ZNF839: variants seen among roughly 807,000 people sequenced by gnomAD.
ZNF839 encodes zinc finger protein 839.
ZNF839 carries 38 observed loss-of-function variants against 56.4 expected under a neutral mutation model. That is an observed-to-expected ratio of 0.67 (90% confidence interval 0.52 to 0.88). ZNF839 has a LOEUF of 0.88. ZNF839 is among the 40% of genes least tolerant of loss of function. ZNF839 has a pLI of 0.00. For missense variants in ZNF839, 1,091 were observed against 1,177.6 expected (o/e 0.93, Z 1.08); for synonymous variants, 486 against 493.5 (o/e 0.98, Z 0.20).
chr14:102,319,899 TG>T lies in ZNF839; in HGVS notation c.136del (p.Glu46SerfsTer3). 1 of 1,215,560 alleles carries T rather than the reference TG, an allele frequency of 8.2e-7. No homozygotes were observed. Among genetic ancestry groups the T allele is most frequent in the South Asian group, 2.3e-5 (1 of 43,166 alleles). 75.3% of individuals were successfully genotyped at this position (1,215,560 alleles called of 1,614,324 possible). A position where few individuals can be genotyped will look rare whatever the true frequency, so the allele number is the denominator to read the frequency against. On this transcript the variant is annotated frameshift_variant, in exon 1 of 8. Coordinates refer to ENST00000442396, the MANE Select transcript of ZNF839 (RefSeq NM_018335.6). LOFTEE classifies it high-confidence loss of function. This position sits in a 1 kb window ranked among gnomAD's most constrained non-coding sequence, Gnocchi z 4.5. ...GGCCCCGAGCAGCTGCGGCAGGTCC[TG>T]GAGCAGGTGACGAAGGCGCAGCCGC... Reference protein sequence around the residue: ...PLGPEQLRQVLEQVTKAQPPP... With the variant: ...PLGPEQLRQVXEQVTKAQPPP...
At chr14:102,329,293 A>G (rs1750240808) in intron 2 of ZNF839, among the ~76,000 whole-genome samples, 1 of 152,062 alleles carries the variant, frequency 6.6e-6, no homozygotes, top group Admixed American at 6.5e-5. Flanking sequence ...TATATCCAGA[A>G]GTGGAATTGC....
intron 1 of ZNF839, 51 bp from the exon 2 acceptor site, chr14:102,325,934 T>C (rs1255541158): frequency 1.5e-5 from 24 of 1,557,446 alleles, no homozygotes; most frequent in Non-Finnish European, 2.1e-5. Flanking sequence ...ATTGCAGACA[T>C]GTTCATAAGC....
chr14:102,326,583 A>G lies in ZNF839; in HGVS notation c.887A>G (p.Glu296Gly). 5 of 1,613,924 alleles carry G rather than the reference A, an allele frequency of 3.1e-6. No homozygotes were observed. The highest frequency in any genetic ancestry group is 4.2e-6 in the Non-Finnish European group (5 of 1,179,850). Reference protein sequence around the residue: ...LCVEEDEDQRERHALFDLSSC... With the variant: ...LCVEEDEDQRGRHALFDLSSC... Reference sequence around the variant, plus strand: ...GTGGAAGAAGATGAAGATCAGAGGGAGAGGCACGCACTCTTTGACTTATCG... The same window carrying G: ...GTGGAAGAAGATGAAGATCAGAGGGGGAGGCACGCACTCTTTGACTTATCG... Residue 296 changes from glutamate (E) to glycine (G), a missense_variant, in exon 2 of 8, where the codon GAG becomes GGG. Coordinates refer to ENST00000442396, the MANE Select transcript of ZNF839 (RefSeq NM_018335.6). The surrounding 1 kb of genome is among the most constrained non-coding windows in gnomAD (Gnocchi z 4.3).
At position 102,341,629 on chromosome 14, in the gene ZNF839, G is replaced by A. The variant is rs755322485; in HGVS notation, c.2234G>A (p.Gly745Asp). ...ACCTGGGACAGCCTGAGGAGCCCGG[G>A]TTTCTGCAGCCCTTTGTCATCTGGT... The part of the protein sequence containing the change: ...QDTWDSLRSP[G>D]FCSPLSSGGG... The change falls in exon 8 of 8, where the codon GGT becomes GAT. Residue 745 changes from glycine to aspartate, a missense_variant. By Grantham distance (94) the Gly-to-Asp change is moderately conservative. Coordinates refer to ENST00000442396, the MANE Select transcript of ZNF839 (RefSeq NM_018335.6). 1 of 1,613,976 alleles carries A rather than the reference G, an allele frequency of 6.2e-7. No individual in the cohort carries two copies. The highest frequency in any genetic ancestry group is 8.5e-7 in the Non-Finnish European group (1 of 1,179,892).
At chr14:102,318,119 G>T (rs565344464), upstream of ZNF839, among the ~76,000 whole-genome samples, 5 of 152,346 alleles carry the variant, frequency 3.3e-5, no homozygotes, top group South Asian at 2.1e-4. Flanking sequence ...GCTATTATAA[G>T]CAAAGTTAGG....
intron 1 of ZNF839, among the ~76,000 whole-genome samples, chr14:102,322,088 C>A (rs2073159551): frequency 6.6e-6 from 1 of 152,134 alleles, no homozygotes; most frequent in Non-Finnish European, 1.5e-5. Flanking sequence ...TTTCACCTGG[C>A]AAAAATTCCC....
chr14:102,338,344 C>G (rs1245438675), intron 5 of ZNF839, among the ~76,000 whole-genome samples: 3 of 152,024 alleles, frequency 2.0e-5, no homozygotes, highest in Non-Finnish European at 2.9e-5. Flanking sequence ...TCAAGACCAG[C>G]CTGGCAAACA....
chr14:102,329,412 T>C (rs2073653428), intron 2 of ZNF839, among the ~76,000 whole-genome samples: 1 of 151,628 alleles, frequency 6.6e-6, no homozygotes, highest in African/African-American at 2.4e-5. Flanking sequence ...ATTTTTTCAG[T>C]CTGACTCTGT....
chr14:102,331,553 A>G (rs1230078292), intron 2 of ZNF839, 69 bp from the exon 3 acceptor site: 1 of 1,405,154 alleles, frequency 7.1e-7, no homozygotes, highest in Middle Eastern at 1.8e-4. Flanking sequence ...CCCGGCCACT[A>G]AAAGGTTTTT....
Position 102,319,891 on chromosome 14 carries a change from G to T in ZNF839, c.126G>T (p.Arg42=). The T allele has an allele frequency of 7.7e-7, 1 of 1,291,754 alleles. No individual in the cohort carries two copies. The highest frequency in any genetic ancestry group is 3.1e-5 in the Admixed American group (1 of 32,024). The allele number at this position is 1,291,754 out of a possible 1,614,324, so 80.0% of individuals were successfully genotyped here. The change falls in exon 1 of 8, where the codon CGG becomes CGT. Residue 42 remains arginine (R), a synonymous_variant. Transcript: ENST00000442396. This position sits in a 1 kb window ranked among gnomAD's most constrained non-coding sequence, Gnocchi z 4.5. Reference sequence around the variant, plus strand: ...CCCCGCTGGGCCCCGAGCAGCTGCGGCAGGTCCTGGAGCAGGTGACGAAGG... The same window carrying T: ...CCCCGCTGGGCCCCGAGCAGCTGCGTCAGGTCCTGGAGCAGGTGACGAAGG... ...RVAPLGPEQL[R]QVLEQVTKAQ...
chr14:102,327,061 C>T (rs1258105639), intron 2 of ZNF839, among the ~76,000 whole-genome samples, 174 bp downstream of exon 2: 1 of 152,024 alleles, frequency 6.6e-6, no homozygotes, highest in African/African-American at 2.4e-5. Flanking sequence ...CCTCGGGAAA[C>T]AGAGTCACGG....
intron 5 of ZNF839, 44 bp from the exon 6 acceptor site, chr14:102,338,772 T>C (rs752933513): frequency 6.2e-7 from 1 of 1,612,132 alleles, no homozygotes; most frequent in Non-Finnish European, 8.5e-7. Context: ...TGGGGGTGTG[T>C]GCTGTTTGGG....
Position 102,342,336 on chromosome 14 carries a change from C to T in ZNF839, c.*157C>T. 1.2e-6 allele frequency: 1 copy of T among 836,962 alleles called. No individual in the cohort carries two copies. The allele number at this position is 836,962 out of a possible 1,614,324, so 51.8% of individuals were successfully genotyped here. A position where few individuals can be genotyped will look rare whatever the true frequency, so the allele number is the denominator to read the frequency against. On this transcript the variant is annotated 3_prime_UTR_variant, in exon 8 of 8. Coordinates refer to ENST00000442396, the MANE Select transcript of ZNF839 (RefSeq NM_018335.6). ...CTAATGTGAATATTGCACAGATGAA[C>T]CTTTTATTTATAAAGAATAATGTCT...
chr14:102,328,632 C>A (rs2073601403), intron 2 of ZNF839, among the ~76,000 whole-genome samples: 2 of 151,774 alleles, frequency 1.3e-5, no homozygotes, highest in Admixed American at 1.3e-4. Context: ...AAACTCTGTC[C>A]CTGTAAACAC....
At chr14:102,327,503 A>G (rs1240033767) in intron 2 of ZNF839, among the ~76,000 whole-genome samples, 1 of 152,218 alleles carries the variant, frequency 6.6e-6, no homozygotes, top group Admixed American at 6.5e-5. Flanking sequence ...TAAACCAGCC[A>G]TGAGGGTTCT....
intron 2 of ZNF839, among the ~76,000 whole-genome samples, chr14:102,327,186 G>A (rs1024363530): frequency 2.6e-5 from 4 of 152,038 alleles, no homozygotes; most frequent in Non-Finnish European, 5.9e-5. Context: ...TGTCATCCAG[G>A]CTGGAGCACA....
chr14:102,338,539 G>GAAAA (rs954011615), intron 5 of ZNF839, among the ~76,000 whole-genome samples: 5 of 32,066 alleles, frequency 1.6e-4, no homozygotes, highest in Non-Finnish European at 2.7e-4. Flanking sequence ...CTCTGTCTCA[G>GAAAA]AAAAAAAAAA....
intron 2 of ZNF839, among the ~76,000 whole-genome samples, chr14:102,330,531 G>A (rs962680749): frequency 7.0e-6 from 1 of 142,150 alleles, no homozygotes; most frequent in Non-Finnish European, 1.5e-5. Flanking sequence ...ACTGCTCCCC[G>A]CTCTTTTTTT....
At chr14:102,322,206 T>C (rs2073165207) in intron 1 of ZNF839, among the ~76,000 whole-genome samples, 1 of 152,226 alleles carries the variant, frequency 6.6e-6, no homozygotes. Flanking sequence ...ATTTTTCCTG[T>C]CTGCCTCACC....
Sources: gnomAD v4.1 joint callset for allele counts (sites outside exome capture counted in the v4.1 genomes callset) on GRCh38, gnomAD v4.1.1 for gene constraint, Gnocchi (gnomAD v3.1) non-coding constraint, MANE v1.5 for transcripts, NCBI Gene and HGNC (gene_info 2026-07-23, HGNC 2026-07-21) for gene names.